Variants in BBX observed in about 807,000 individuals in gnomAD.
BBX encodes the protein BBX high mobility group box domain containing.
In BBX, 30 loss-of-function variants were observed where a neutral mutation model predicts 100.2. That is an observed-to-expected ratio of 0.30 (90% confidence interval 0.22 to 0.41). The LOEUF is 0.41. Among genes scored for constraint, BBX ranks in the 10% least tolerant of loss-of-function variants. BBX has a pLI of 1.00. For missense variants in BBX, 1,023 were observed against 1,129.8 expected (o/e 0.91, Z 1.35); for synonymous variants, 376 against 388.1 (o/e 0.97, Z 0.37).
chr3:107,759,191 A>G (rs1162896428), intron 10 of BBX, among the ~76,000 whole-genome samples: 1 of 152,158 alleles, frequency 6.6e-6, no homozygotes, highest in Non-Finnish European at 1.5e-5. Context: ...GAGCCAGGAG[A>G]TTTCCTGGGG....
intron 2 of BBX, among the ~76,000 whole-genome samples, chr3:107,592,827 A>G (rs1302172571): frequency 6.6e-6 from 1 of 152,148 alleles, no homozygotes; most frequent in African/African-American, 2.4e-5. Context: ...AGGGCCAACA[A>G]TTTCTGTTAA....
At chr3:107,772,513 A>C in intron 10 of BBX, 115 bp from the exon 11 acceptor site, 1 of 1,150,038 alleles carries the variant, frequency 8.7e-7, no homozygotes, top group Non-Finnish European at 1.2e-6. Flanking sequence ...ATTGTTGTAA[A>C]GTTTAAAGTG....
chr3:107,750,963 T>C (rs2065031865), intron 9 of BBX, among the ~76,000 whole-genome samples: 1 of 152,242 alleles, frequency 6.6e-6, no homozygotes, highest in African/African-American at 2.4e-5. Context: ...CACAGATTGC[T>C]GGGCCCCGCC....
chr3:107,726,502 A>G (rs1426745100), intron 5 of BBX, among the ~76,000 whole-genome samples: 2 of 151,990 alleles, frequency 1.3e-5, no homozygotes, highest in East Asian at 1.9e-4. Context: ...GAACATCTAC[A>G]TTGAGTTTAA....
intron 2 of BBX, among the ~76,000 whole-genome samples, chr3:107,537,255 G>T (rs1480133287): frequency 6.6e-6 from 1 of 152,168 alleles, no homozygotes; most frequent in Non-Finnish European, 1.5e-5. Flanking sequence ...CAACATGACT[G>T]ATTGAACCAA....
At chr3:107,642,777 C>T (rs751763766) in intron 2 of BBX, among the ~76,000 whole-genome samples, 15 of 151,924 alleles carry the variant, frequency 9.9e-5, no homozygotes, top group African/African-American at 3.6e-4. Context: ...GGCATGTGTA[C>T]CATGCATGGT....
At chr3:107,543,726 A>C (rs966082582) in intron 2 of BBX, among the ~76,000 whole-genome samples, 3 of 152,216 alleles carry the variant, frequency 2.0e-5, no homozygotes, top group African/African-American at 7.2e-5. Context: ...CCAGCTTCAC[A>C]ACAGCTCATC....
chr3:107,668,167 G>A (rs1039523852), intron 3 of BBX, among the ~76,000 whole-genome samples: 2 of 152,148 alleles, frequency 1.3e-5, no homozygotes, highest in Admixed American at 6.5e-5. Flanking sequence ...TTATGTTGTT[G>A]AAAATTACTA....
At chr3:107,755,072 A>T (rs774618620) in intron 9 of BBX, among the ~76,000 whole-genome samples, 6 of 152,228 alleles carry the variant, frequency 3.9e-5, no homozygotes, top group Non-Finnish European at 8.8e-5. Flanking sequence ...TGTACATTAA[A>T]GCATACTCTG....
chr3:107,577,305 G>A (rs1378558715), intron 2 of BBX, among the ~76,000 whole-genome samples: 1 of 152,200 alleles, frequency 6.6e-6, no homozygotes. Flanking sequence ...GGTACTGTTG[G>A]TGTGAGTGTG....
At chr3:107,565,254 C>T (rs943597919) in intron 2 of BBX, among the ~76,000 whole-genome samples, 3 of 150,770 alleles carry the variant, frequency 2.0e-5, no homozygotes, top group Non-Finnish European at 4.4e-5. Context: ...AAAATCAAAT[C>T]GTAAAAGTTG....
chr3:107,805,361 A>T lies in BBX; in HGVS notation c.2739-9A>T. 1 of 1,603,500 alleles carries T rather than the reference A, an allele frequency of 6.2e-7. No individual in the cohort carries two copies. On this transcript the variant is annotated splice_polypyrimidine_tract_variant and intron_variant, in intron 17 of 17. Coordinates refer to ENST00000325805, the MANE Select transcript of BBX (RefSeq NM_001142568.3). ...GAATAAGTGACTTTTTCTTCCTTTT[A>T]TTTTACAGAGGTCAGAGGTCAACTC...
At position 107,778,430 on chromosome 3, in the gene BBX, C is replaced by G; in HGVS notation, c.2114C>G (p.Pro705Arg). ...KKFNSLPQYS[P>R]VTFDRKCVPV... ...TTCAACAGCCTCCCTCAATATAGTC[C>G]TGTTACATTTGACCGGAAATGTGTA... The change falls in exon 13 of 18, where the codon CCT becomes CGT. Residue 705 changes from proline (P) to arginine (R), a missense_variant. Physicochemically the swap from Pro to Arg is moderately radical, Grantham distance 103. Around this residue, in one of 9 missense-constraint regions of BBX, gnomAD observed 215 missense variants for 211.3 expected, o/e 1.02. Transcript: ENST00000325805. 1 of 1,613,336 alleles carries G rather than the reference C, an allele frequency of 6.2e-7. No homozygotes were observed. Among genetic ancestry groups the G allele is most frequent in the Non-Finnish European group, 8.5e-7 (1 of 1,179,520 alleles).
chr3:107,531,727 C>T (rs917850593), intron 2 of BBX, among the ~76,000 whole-genome samples: 8 of 152,066 alleles, frequency 5.3e-5, no homozygotes, highest in Non-Finnish European at 7.4e-5. Context: ...AGCTGAGGCA[C>T]GCCACAGTAA....
chr3:107,653,035 AC>A (rs1318406404), intron 3 of BBX, among the ~76,000 whole-genome samples: 1 of 152,212 alleles, frequency 6.6e-6, no homozygotes. Flanking sequence ...ACAGGAATTC[AC>A]ATTTCATTAA....
intron 5 of BBX, among the ~76,000 whole-genome samples, chr3:107,718,381 C>T (rs1035085979): frequency 6.7e-6 from 1 of 150,064 alleles, no homozygotes; most frequent in African/African-American, 2.4e-5. Context: ...CTATATAGGG[C>T]CTGTGGAAAA....
intron 2 of BBX, among the ~76,000 whole-genome samples, chr3:107,583,996 ATAT>A (rs1339460051): frequency 1.5e-4 from 10 of 66,368 alleles, no homozygotes; most frequent in East Asian, 2.8e-4. Context: ...ATATATTATT[ATAT>A]TATTATATAT....
chr3:107,668,727 T>A (rs1412307504), intron 3 of BBX, among the ~76,000 whole-genome samples: 1 of 152,248 alleles, frequency 6.6e-6, no homozygotes, highest in Non-Finnish European at 1.5e-5. Flanking sequence ...TGGAGCTTAA[T>A]CAAGATTGAT....
chr3:107,717,166 T>G (rs1289338986), intron 5 of BBX, among the ~76,000 whole-genome samples: 1 of 152,216 alleles, frequency 6.6e-6, no homozygotes, highest in Non-Finnish European at 1.5e-5. Flanking sequence ...CAGTGAATGG[T>G]GATTTGTTTA....
Sources: allele counts gnomAD v4.1 joint callset (sites outside exome capture counted in the v4.1 genomes callset), GRCh38; gene constraint gnomAD v4.1.1; regional missense constraint gnomAD v4.1.1; transcripts MANE v1.5; gene names NCBI Gene and HGNC (gene_info 2026-07-23, HGNC 2026-07-21).